Variants in TPD52L1 observed in about 807,000 individuals in gnomAD.
The protein encoded by TPD52L1 is TPD52 like 1, also known as tumor protein D53.
In TPD52L1, 18 loss-of-function variants were observed where a neutral mutation model predicts 28.7. The ratio of observed to expected loss-of-function variants is 0.63; its 90% CI spans 0.43 to 0.93. The LOEUF (loss-of-function observed/expected upper bound fraction) is 0.93. Among genes scored for constraint, TPD52L1 ranks in the 40% least tolerant of loss-of-function variants. The probability of loss-of-function intolerance (pLI) is 0.00; values close to 1 mark genes in which losing one functional copy is unlikely to be tolerated. For missense variants in TPD52L1, 203 were observed against 254.8 expected (o/e 0.80, Z 1.39); for synonymous variants, 75 against 88.8 (o/e 0.84, Z 0.88).
chr6:125,184,893 A>G (rs1792488128), intron 1 of TPD52L1, among the ~76,000 whole-genome samples: 1 of 152,336 alleles, frequency 6.6e-6, no homozygotes, highest in South Asian at 2.1e-4. Flanking sequence ...TTAAAATGTA[A>G]AAGGACTAAA....
chr6:125,219,982 G>T, intron 1 of TPD52L1, 96 bp from the exon 2 acceptor site: 5 of 841,682 alleles, frequency 5.9e-6, no homozygotes, highest in Non-Finnish European at 1.0e-5. Flanking sequence ...TGGTGGGAGG[G>T]TCTGTCAGTG....
Position 125,219,330 on chromosome 6 carries a change from G to A in TPD52L1, c.20-748G>A, listed in dbSNP as rs1452728569. On this transcript the variant is annotated intron_variant, in intron 1 of 6. Transcript: ENST00000534000. Reference sequence around the variant, plus strand: ...AGAAGCTATTCTGGGTTAACCCAAGGCACAATGATGGCATCAAGAACCCCG... The same window carrying A: ...AGAAGCTATTCTGGGTTAACCCAAGACACAATGATGGCATCAAGAACCCCG... Among the ~76,000 whole-genome samples, 6 of 152,224 alleles carry A rather than the reference G, an allele frequency of 3.9e-5. No homozygotes were observed. The East Asian group carries it at 9.7e-4, about 24-fold the overall frequency.
intron 1 of TPD52L1, among the ~76,000 whole-genome samples, chr6:125,208,345 A>T (rs1467059883): frequency 6.6e-6 from 1 of 152,208 alleles, no homozygotes; most frequent in Non-Finnish European, 1.5e-5. Flanking sequence ...GTTTCCTAGG[A>T]CAGAGGAAAA....
intron 1 of TPD52L1, chr6:125,154,250 G>T: frequency 8.1e-7 from 1 of 1,238,670 alleles, no homozygotes. Context: ...GCAGCCAGTC[G>T]CCCCTGGCCT....
At chr6:125,205,177 G>A (rs550855623) in intron 1 of TPD52L1, among the ~76,000 whole-genome samples, 1 of 152,306 alleles carries the variant, frequency 6.6e-6, no homozygotes, top group South Asian at 2.1e-4. Context: ...TCACCATTGT[G>A]TAAACTGATG....
chr6:125,167,802 G>T (rs975176894), intron 1 of TPD52L1, among the ~76,000 whole-genome samples: 1 of 151,876 alleles, frequency 6.6e-6, no homozygotes, highest in East Asian at 1.9e-4. Context: ...GGGTAGGAAA[G>T]CCCCATACTC....
intron 1 of TPD52L1, among the ~76,000 whole-genome samples, chr6:125,191,532 C>A (rs1266229166): frequency 6.6e-6 from 1 of 152,096 alleles, no homozygotes; most frequent in African/African-American, 2.4e-5. Flanking sequence ...AGGAACCTAC[C>A]CATTGTGAAA....
At chr6:125,231,544 T>C (rs928582600) in intron 3 of TPD52L1, among the ~76,000 whole-genome samples, 1 of 152,212 alleles carries the variant, frequency 6.6e-6, no homozygotes. Flanking sequence ...GCTGGATGAA[T>C]AGCCTAGATT....
intron 1 of TPD52L1, among the ~76,000 whole-genome samples, chr6:125,218,893 T>C (rs1363626935): frequency 6.6e-6 from 1 of 152,102 alleles, no homozygotes; most frequent in Non-Finnish European, 1.5e-5. Flanking sequence ...AAAAATGGAA[T>C]TTATTGGGTG....
intron 3 of TPD52L1, among the ~76,000 whole-genome samples, chr6:125,242,502 T>C (rs765625003): frequency 1.3e-5 from 2 of 152,172 alleles, no homozygotes; most frequent in Admixed American, 6.5e-5. Flanking sequence ...TTTAGGATTG[T>C]GATATTTTCT....
At chr6:125,166,209 T>G (rs1041367890) in intron 1 of TPD52L1, among the ~76,000 whole-genome samples, 1 of 152,216 alleles carries the variant, frequency 6.6e-6, no homozygotes, top group African/African-American at 2.4e-5. Flanking sequence ...TTCAGATCTC[T>G]CAGTTTTAAA....
intron 3 of TPD52L1, among the ~76,000 whole-genome samples, chr6:125,231,513 C>T (rs1795946716): frequency 6.6e-6 from 1 of 152,200 alleles, no homozygotes; most frequent in South Asian, 2.1e-4. Context: ...GCCAGGTAGT[C>T]TACTTAATGT....
chr6:125,215,660 T>A (rs1025587425), intron 1 of TPD52L1, among the ~76,000 whole-genome samples: 9 of 152,182 alleles, frequency 5.9e-5, no homozygotes, highest in African/African-American at 2.2e-4. Flanking sequence ...GTTCAGAGTT[T>A]CTCACTTTGT....
chr6:125,176,289 A>T (rs951934574), intron 1 of TPD52L1, among the ~76,000 whole-genome samples: 4 of 152,226 alleles, frequency 2.6e-5, no homozygotes, highest in Admixed American at 6.5e-5. Context: ...GCTTAAAAAC[A>T]TTATTCTGCA....
chr6:125,229,317 C>T, intron 3 of TPD52L1, 51 bp downstream of exon 3: 1 of 1,525,138 alleles, frequency 6.6e-7, no homozygotes, highest in Non-Finnish European at 8.8e-7. Context: ...TGTCTCCTCA[C>T]TCTGTTGTGT....
chr6:125,182,336 T>C (rs2114824593), intron 1 of TPD52L1, among the ~76,000 whole-genome samples: 1 of 152,254 alleles, frequency 6.6e-6, no homozygotes, highest in Middle Eastern at 3.4e-3. Context: ...CTTTTCATGA[T>C]GTATAAGCAC....
chr6:125,179,170 A>G (rs1562229090), intron 1 of TPD52L1, among the ~76,000 whole-genome samples: 1 of 152,194 alleles, frequency 6.6e-6, no homozygotes. Flanking sequence ...TGTGGACACA[A>G]TTTTCCCAGT....
intron 1 of TPD52L1, among the ~76,000 whole-genome samples, chr6:125,178,300 A>G (rs1791941297): frequency 6.6e-6 from 1 of 152,164 alleles, no homozygotes; most frequent in African/African-American, 2.4e-5. Context: ...AATTCTAAGG[A>G]AGGGGCAAAT....
In TPD52L1 at chr6:125,154,281, G is replaced by GAA. The variant is rs1789963939; in HGVS notation, c.19+312_19+313dup. ...GGCCTTCCCAACCTCGCGGCTGCCCGAAGGACCTGTTGTGCCGGGTCCGGA... is the reference window on the plus strand; with the variant it reads ...GGCCTTCCCAACCTCGCGGCTGCCCGAAAAGGACCTGTTGTGCCGGGTCCGGA... On this transcript the variant is annotated intron_variant, in intron 1 of 6. Transcript: ENST00000534000. 6.7e-6 allele frequency: 8 copies of GAA among 1,199,930 alleles called. 1 individual carries two copies. Among genetic ancestry groups the GAA allele is most frequent in the Middle Eastern group, 5.4e-4 (2 of 3,670 alleles). The allele number at this position is 1,199,930 out of a possible 1,614,324, so 74.3% of individuals were successfully genotyped here.
Sources: gnomAD v4.1 joint callset for allele counts (sites outside exome capture counted in the v4.1 genomes callset) on GRCh38, gnomAD v4.1.1 for gene constraint, MANE v1.5 for transcripts, NCBI Gene and HGNC (gene_info 2026-07-23, HGNC 2026-07-21) for gene names.